Variants in BLVRA observed in about 807,000 individuals in gnomAD.
The protein encoded by BLVRA is biliverdin reductase A.
In BLVRA, 22 loss-of-function variants were observed where a neutral mutation model predicts 32.8. The observed-to-expected ratio is 0.67, with a 90% CI of 0.48 to 0.96. The LOEUF is 0.96. Among genes scored for constraint, BLVRA ranks in the 40% least tolerant of loss-of-function variants. The pLI, the probability that BLVRA is intolerant of heterozygous loss-of-function variation, is 0.00. For missense variants in BLVRA, 323 were observed against 358.1 expected (o/e 0.90, Z 0.79); for synonymous variants, 119 against 141.3 (o/e 0.84, Z 1.12).
At chr7:43,769,257 T>C (rs2095751773) in intron 1 of BLVRA, among the ~76,000 whole-genome samples, 1 of 152,188 alleles carries the variant, frequency 6.6e-6, no homozygotes, top group South Asian at 2.1e-4. Flanking sequence ...CTCGGACTCC[T>C]GGGCTCAAGC....
intron 2 of BLVRA, among the ~76,000 whole-genome samples, chr7:43,780,215 A>G (rs188952172): frequency 2.4e-3 from 364 of 152,208 alleles, no homozygotes; most frequent in African/African-American, 8.4e-3. Flanking sequence ...AGCCCGTTAT[A>G]ACCCAGGCTG....
intron 1 of BLVRA, among the ~76,000 whole-genome samples, chr7:43,761,050 G>A (rs376219661): frequency 2.4e-4 from 36 of 152,304 alleles, no homozygotes; most frequent in African/African-American, 7.9e-4. Flanking sequence ...GATTACAGGC[G>A]TGAGCCATTT....
intron 2 of BLVRA, among the ~76,000 whole-genome samples, chr7:43,771,751 G>A (rs2095754914): frequency 6.6e-6 from 1 of 152,182 alleles, no homozygotes; most frequent in African/African-American, 2.4e-5. Context: ...TCTTGGGTGA[G>A]TGGCACAGCC....
intron 7 of BLVRA, among the ~76,000 whole-genome samples, chr7:43,806,149 C>A (rs868732844): frequency 2.8e-4 from 43 of 152,216 alleles, no homozygotes; most frequent in African/African-American, 9.9e-4. Context: ...CTTGTCTCTA[C>A]TAAAAATACA....
intron 2 of BLVRA, among the ~76,000 whole-genome samples, chr7:43,783,217 C>T (rs955843100): frequency 1.3e-5 from 2 of 152,160 alleles, no homozygotes; most frequent in Non-Finnish European, 2.9e-5. Flanking sequence ...CTATGAGAAG[C>T]CTTCTTCCCT....
chr7:43,784,100 G>A (rs193195224), intron 2 of BLVRA, among the ~76,000 whole-genome samples: 1 of 152,322 alleles, frequency 6.6e-6, no homozygotes, highest in Admixed American at 6.5e-5. Context: ...GGACCTAAGT[G>A]AGTTTTTTAG....
At chr7:43,803,439 C>T (rs2095800876) in intron 6 of BLVRA, among the ~76,000 whole-genome samples, 4 of 152,084 alleles carry the variant, frequency 2.6e-5, no homozygotes. Context: ...TTTACTAAAA[C>T]TCAATTTAAT....
intron 2 of BLVRA, among the ~76,000 whole-genome samples, chr7:43,785,906 C>G (rs2095776930): frequency 6.6e-6 from 1 of 151,732 alleles, no homozygotes. Flanking sequence ...TAGCTAATAG[C>G]CAACAAATGG....
intron 1 of BLVRA, among the ~76,000 whole-genome samples, chr7:43,760,807 C>T (rs1370966496): frequency 7.0e-6 from 1 of 143,304 alleles, no homozygotes; most frequent in Admixed American, 7.2e-5. Context: ...CTCACTGTGT[C>T]GCCCAGGCTG....
chr7:43,758,412 C>G (rs1319665252), upstream of BLVRA, among the ~76,000 whole-genome samples: 1 of 111,536 alleles, frequency 9.0e-6, no homozygotes, highest in African/African-American at 2.7e-5. Flanking sequence ...ATACGCCCTC[C>G]GGTCGGCCGG....
chr7:43,794,579 A>G (rs923159281), intron 5 of BLVRA, among the ~76,000 whole-genome samples: 1 of 152,064 alleles, frequency 6.6e-6, no homozygotes, highest in Non-Finnish European at 1.5e-5. Flanking sequence ...TACTAAAAAT[A>G]AAAAAATTAG....
In BLVRA at chr7:43,800,488, G is replaced by A. The variant is rs1200327436; in HGVS notation, c.376G>A (p.Val126Ile). The change falls in exon 6 of 8, where the codon GTT becomes ATT. Residue 126 changes from valine (V) to isoleucine (I), a missense_variant. Val to Ile is a conservative substitution (Grantham distance 29). Transcript: ENST00000265523. ...AGGAAAAGTCTTGCACGAGGAGCAT[G>A]TTGAACTCTTGATGGAGGAATTCGC... The part of the protein sequence containing the change: ...QKGKVLHEEH[V>I]ELLMEEFAFL... The A allele has an allele frequency of 1.9e-6, 3 of 1,613,990 alleles. No individual in the cohort carries two copies. The African/African-American group carries it at 4.0e-5, about 22-fold the overall frequency.
intron 2 of BLVRA, among the ~76,000 whole-genome samples, chr7:43,786,730 T>C (rs2095778084): frequency 6.6e-6 from 1 of 152,100 alleles, no homozygotes; most frequent in South Asian, 2.1e-4. Context: ...AGAAAAACAT[T>C]TGGCAAATCC....
rs17239615 is a variant in BLVRA, at chr7:43,792,887, C to T, written c.352+75C>T. ...TCTTTATGCCTTTAAAACTTAACCC[C>T]ATTTCAGATATCTCCTCCTCCTGGC... On this transcript the variant is annotated intron_variant, in intron 5 of 7. Transcript: ENST00000265523. The T allele has an allele frequency of 3.7e-4, 510 of 1,390,416 alleles. 1 individual carries two copies. In the African/African-American group the frequency reaches 6.8e-3, roughly 18 times the overall value. The allele number at this position is 1,390,416 out of a possible 1,614,324, so 86.1% of individuals were successfully genotyped here.
rs1023105069 is a variant in BLVRA, at chr7:43,787,887, G to C, written c.13-17G>C. The C allele has an allele frequency of 3.7e-6, 6 of 1,614,010 alleles. No homozygotes were observed. The African/African-American group carries it at 6.7e-5, about 18-fold the overall frequency. ...CTACAGTGTTTTCAGACTCCACCTT[G>C]GTCCCTTGTGTTTCAGCCCGAGAGG... On this transcript the variant is annotated splice_polypyrimidine_tract_variant and intron_variant, in intron 2 of 7. Coordinates refer to ENST00000265523, the MANE Select transcript of BLVRA (RefSeq NM_000712.4). The surrounding 1 kb of genome is among the most constrained non-coding windows in gnomAD (Gnocchi z 4.5).
At chr7:43,803,552 A>C in intron 6 of BLVRA, 124 bp from the exon 7 acceptor site, 5 of 1,051,368 alleles carry the variant, frequency 4.8e-6, no homozygotes, top group African/African-American at 1.6e-5. Context: ...ACATAAGGCA[A>C]GGTCCCATTG....
At chr7:43,766,902 C>T (rs561669275) in intron 1 of BLVRA, among the ~76,000 whole-genome samples, 1 of 152,234 alleles carries the variant, frequency 6.6e-6, no homozygotes, top group Admixed American at 6.5e-5. Flanking sequence ...GAGGCCGAGG[C>T]AGGAGGATCA....
At position 43,807,076 on chromosome 7, in the gene BLVRA, A is replaced by G; in HGVS notation, c.732A>G (p.Val244=). ...KSGSLENVPN[V]GVNKNIFLKD... ...GGTCCTTGGAGAATGTGCCAAATGT[A>G]GGAGTGAATAAGAACATATTTCTGA... The change falls in exon 8 of 8, where the codon GTA becomes GTG. Residue 244 remains valine (V), a synonymous_variant. Coordinates refer to ENST00000265523, the MANE Select transcript of BLVRA (RefSeq NM_000712.4). The G allele has an allele frequency of 6.2e-7, 1 of 1,614,240 alleles. No individual in the cohort carries two copies. The highest frequency in any genetic ancestry group is 8.5e-7 in the Non-Finnish European group (1 of 1,180,034).
At chr7:43,805,717 T>A (rs572309598) in intron 7 of BLVRA, among the ~76,000 whole-genome samples, 7 of 152,310 alleles carry the variant, frequency 4.6e-5, no homozygotes, top group African/African-American at 7.2e-5. Context: ...TAAATTTTTT[T>A]ATCTATTTAT....
Sources: gnomAD v4.1 joint callset for allele counts (sites outside exome capture counted in the v4.1 genomes callset) on GRCh38, gnomAD v4.1.1 for gene constraint, Gnocchi (gnomAD v3.1) non-coding constraint, MANE v1.5 for transcripts, NCBI Gene and HGNC (gene_info 2026-07-23, HGNC 2026-07-21) for gene names.